LRPPRC: variants seen among roughly 807,000 people sequenced by gnomAD.
LRPPRC encodes leucine rich pentatricopeptide repeat containing, also known as leucine-rich PPR motif-containing protein, mitochondrial.
A neutral mutation model predicts 180.3 loss-of-function variants in LRPPRC; 120 were observed. The ratio of observed to expected loss-of-function variants is 0.67; its 90% CI spans 0.57 to 0.77. LRPPRC has a LOEUF of 0.77. Among genes scored for constraint, LRPPRC ranks in the 30% least tolerant of loss-of-function variants. The probability of loss-of-function intolerance (pLI) is 0.00; values close to 1 mark genes in which losing one functional copy is unlikely to be tolerated. For missense variants in LRPPRC, 2,012 were observed against 1,657.2 expected (o/e 1.21, Z -3.72); for synonymous variants, 723 against 600.0 (o/e 1.21, Z -3.00).
intron 16 of LRPPRC, 41 bp from the exon 17 acceptor site, chr2:43,948,559 C>T (rs758504834): frequency 1.4e-5 from 13 of 948,020 alleles, no homozygotes; most frequent in South Asian, 1.3e-4. Flanking sequence ...CTAAAATTAC[C>T]GAGACTGTCA....
chr2:43,951,280 A>G (rs1672892343), intron 14 of LRPPRC, among the ~76,000 whole-genome samples: 1 of 152,228 alleles, frequency 6.6e-6, no homozygotes, highest in Admixed American at 6.5e-5. Flanking sequence ...GATAAAAATT[A>G]GGTATCTTTT....
chr2:43,960,064 C>A (rs1028883896), intron 13 of LRPPRC, among the ~76,000 whole-genome samples: 1 of 152,186 alleles, frequency 6.6e-6, no homozygotes, highest in Non-Finnish European at 1.5e-5. Context: ...TTATAAAGCA[C>A]ACTAGTGTTT....
intron 27 of LRPPRC, among the ~76,000 whole-genome samples, chr2:43,924,708 A>C (rs994978896): frequency 2.0e-5 from 3 of 152,178 alleles, no homozygotes; most frequent in Admixed American, 6.5e-5. Context: ...ACTTACATGA[A>C]TGTGTTGGTG....
At chr2:43,982,074 A>T (rs563212460) in intron 2 of LRPPRC, among the ~76,000 whole-genome samples, 164 bp downstream of exon 2, 1 of 152,066 alleles carries the variant, frequency 6.6e-6, no homozygotes, top group African/African-American at 2.4e-5. Flanking sequence ...TGCCTGGCTA[A>T]TTTTTGTATT....
At chr2:43,971,965 CCTT>C (rs903035031) in intron 11 of LRPPRC, among the ~76,000 whole-genome samples, 102 of 150,598 alleles carry the variant, frequency 6.8e-4, no homozygotes, top group African/African-American at 2.5e-3. Flanking sequence ...TCAGACAAAA[CCTT>C]CATCGATTAA....
At chr2:43,928,319 T>A (rs1482935850) in intron 25 of LRPPRC, among the ~76,000 whole-genome samples, 1 of 152,250 alleles carries the variant, frequency 6.6e-6, no homozygotes, top group Non-Finnish European at 1.5e-5. Context: ...TAAGCTTCTA[T>A]GTATACTAGT....
At chr2:43,925,341 T>C (rs572381277) in intron 26 of LRPPRC, among the ~76,000 whole-genome samples, 184 bp from the exon 27 acceptor site, 2 of 152,344 alleles carry the variant, frequency 1.3e-5, no homozygotes, top group South Asian at 2.1e-4. Flanking sequence ...TGTATACTTA[T>C]ACAAGGTTAA....
chr2:43,888,989 A>T (rs1390880246), intron 37 of LRPPRC, among the ~76,000 whole-genome samples: 1 of 152,240 alleles, frequency 6.6e-6, no homozygotes, highest in Non-Finnish European at 1.5e-5. Context: ...CAATGACATA[A>T]CAAAAAGGAA....
intron 31 of LRPPRC, among the ~76,000 whole-genome samples, chr2:43,904,865 C>G (rs1319789841): frequency 2.6e-5 from 4 of 152,108 alleles, no homozygotes; most frequent in African/African-American, 9.7e-5. Context: ...GTTGTACTGG[C>G]AAAACTGCAG....
Position 43,947,592 on chromosome 2 carries a change from G to A in LRPPRC, c.1965+139C>T, listed in dbSNP as rs994272151. The A allele has an allele frequency of 2.4e-5, 16 of 679,266 alleles. No homozygotes were observed. In the Admixed American group the frequency reaches 2.6e-4, roughly 11 times the overall value. 42.1% of individuals were successfully genotyped at this position (679,266 alleles called of 1,614,324 possible). ...GATATGTTGATTTTTCTGAGGTGGG[G>A]AACAGGTTTTACCAACTTCTTAGAG... On this transcript the variant is annotated intron_variant, in intron 19 of 37. Coordinates refer to ENST00000260665, the MANE Select transcript of LRPPRC (RefSeq NM_133259.4).
At position 43,973,608 on chromosome 2, in the gene LRPPRC, T is replaced by C; in HGVS notation, c.1368A>G (p.Gln456=). The change falls in exon 11 of 38, where the codon CAA becomes CAG. Residue 456 remains glutamine (Q), a splice_region_variant and synonymous_variant. Transcript: ENST00000260665. ...LVGRRKEKNV[Q]GIIEILKGMQ... is the part of the protein sequence containing the mutation. ...AATCGGTAAAAGGCAAAATCTAACC[T>C]TGAACATTTTTTTCCTTCCGACGTC... 2 of 1,608,802 alleles carry C rather than the reference T, an allele frequency of 1.2e-6. No homozygotes were observed. The highest frequency in any genetic ancestry group is 1.1e-5 in the South Asian group (1 of 90,962).
intron 1 of LRPPRC, among the ~76,000 whole-genome samples, chr2:43,984,743 A>T (rs1339477016): frequency 6.6e-6 from 1 of 152,162 alleles, no homozygotes; most frequent in Non-Finnish European, 1.5e-5. Flanking sequence ...CCACAAGAAG[A>T]TCACACCCAC....
At chr2:43,954,476 G>C (rs1351392945) in intron 14 of LRPPRC, among the ~76,000 whole-genome samples, 1 of 152,156 alleles carries the variant, frequency 6.6e-6, no homozygotes, top group Admixed American at 6.5e-5. Flanking sequence ...TGCAGGAAGT[G>C]GGTACTCTCA....
chr2:43,947,788 T>C lies in LRPPRC; in HGVS notation c.1921-13A>G, dbSNP rs1672743627. 1 of 1,559,304 alleles carries C rather than the reference T, an allele frequency of 6.4e-7. No individual in the cohort carries two copies. The highest frequency in any genetic ancestry group is 8.8e-7 in the Non-Finnish European group (1 of 1,130,300). ...ACAAGTGAGCATCCTAAAATTGAAA[T>C]TTAAATTAGCCCAGAATTAGAAAAC... On this transcript the variant is annotated splice_polypyrimidine_tract_variant and intron_variant, in intron 18 of 37. Coordinates refer to ENST00000260665, the MANE Select transcript of LRPPRC (RefSeq NM_133259.4).
At chr2:43,919,357 T>A (rs999133119) in intron 27 of LRPPRC, among the ~76,000 whole-genome samples, 2 of 152,190 alleles carry the variant, frequency 1.3e-5, no homozygotes, top group African/African-American at 4.8e-5. Context: ...TGTACTAAAA[T>A]GATTGCAAGT....
chr2:43,946,513 T>C (rs1439866557), intron 20 of LRPPRC, among the ~76,000 whole-genome samples: 1 of 152,094 alleles, frequency 6.6e-6, no homozygotes, highest in Non-Finnish European at 1.5e-5. Context: ...GCTTTGTGTA[T>C]GGTATTATTT....
chr2:43,905,725 T>A lies in LRPPRC; in HGVS notation c.3331A>T (p.Ile1111Phe). Reference sequence around the variant, plus strand: ...TAATCCCGCCTAACTTGCGTTATGATGAGGCGGCTGTTGGCAGCATCGTTC... The same window carrying A: ...TAATCCCGCCTAACTTGCGTTATGAAGAGGCGGCTGTTGGCAGCATCGTTC... ...TLNDAANSRL[I>F]ITQVRRDYLK... Residue 1111 changes from isoleucine (I) to phenylalanine (F), a missense_variant, in exon 31 of 38, where the codon ATC becomes TTC. By Grantham distance (21) the Ile-to-Phe change is conservative. Transcript: ENST00000260665. 6.2e-7 allele frequency: 1 copy of A among 1,614,066 alleles called. No homozygotes were observed. Among genetic ancestry groups the A allele is most frequent in the African/African-American group, 1.3e-5 (1 of 75,066 alleles).
At chr2:43,981,197 T>G (rs772564851) in intron 2 of LRPPRC, among the ~76,000 whole-genome samples, 4 of 152,052 alleles carry the variant, frequency 2.6e-5, no homozygotes, top group Non-Finnish European at 5.9e-5. Context: ...AGTAGCTAAT[T>G]GAAAATGAAA....
chr2:43,932,841 A>C (rs557081717), intron 25 of LRPPRC, among the ~76,000 whole-genome samples: 47 of 152,200 alleles, frequency 3.1e-4, no homozygotes, highest in Non-Finnish European at 6.0e-4. Context: ...ATGGCAAAAC[A>C]AGAAATCACT....
Sources: allele counts gnomAD v4.1 joint callset (sites outside exome capture counted in the v4.1 genomes callset), GRCh38; gene constraint gnomAD v4.1.1; transcripts MANE v1.5; gene names NCBI Gene and HGNC (gene_info 2026-07-23, HGNC 2026-07-21).